GARIN1B: variants seen among roughly 807,000 people sequenced by gnomAD.
The protein encoded by GARIN1B is Golgi-associated RAB2 interactor protein 1B.
chr7:128,718,768 C>T, the GARIN1B span: 716 of 1,569,724 alleles, frequency 4.6e-4, 3 homozygotes, highest in African/African-American at 7.7e-3. Context: ...CTCATTTTAA[C>T]GAAGACAGGG....
the GARIN1B span, chr7:128,726,740 G>A: frequency 2.1e-6 from 3 of 1,454,568 alleles, no homozygotes; most frequent in Non-Finnish European, 2.9e-6. Context: ...TTTGCATCAG[G>A]AACTTTGGAA....
the GARIN1B span, chr7:128,730,974 C>T: frequency 2.2e-6 from 2 of 903,434 alleles, no homozygotes; most frequent in Non-Finnish European, 3.7e-6. Flanking sequence ...ACCACCAACC[C>T]TTATAAGATA....
the GARIN1B span, among the ~76,000 whole-genome samples, chr7:128,719,476 T>A: frequency 6.6e-6 from 1 of 151,858 alleles, no homozygotes; most frequent in African/African-American, 2.4e-5. Flanking sequence ...TTTGCAGTCA[T>A]TCCCTGTTCC....
At chr7:128,727,606 C>T in the GARIN1B span, among the ~76,000 whole-genome samples, 1 of 152,190 alleles carries the variant, frequency 6.6e-6, no homozygotes. Flanking sequence ...TGGCCCTGCA[C>T]AATCTTCCCC....
chr7:128,724,944 T>TGG, the GARIN1B span: 1 of 1,135,820 alleles, frequency 8.8e-7, no homozygotes, highest in Non-Finnish European at 1.1e-6. Context: ...TATCGAAACC[T>TGG]GGGGGCTCAG....
chr7:128,719,527 T>C, the GARIN1B span, among the ~76,000 whole-genome samples: 1 of 151,996 alleles, frequency 6.6e-6, no homozygotes, highest in Non-Finnish European at 1.5e-5. Context: ...TTTTAGTCTA[T>C]ACACATTCAT....
At chr7:128,729,838 GCT>G in the GARIN1B span, 1 of 1,556,444 alleles carries the variant, frequency 6.4e-7, no homozygotes, top group Non-Finnish European at 8.8e-7. Context: ...CCAAATGTCA[GCT>G]GTAACCTGTA....
At chr7:128,709,479 T>C in the GARIN1B span, among the ~76,000 whole-genome samples, 2 of 152,232 alleles carry the variant, frequency 1.3e-5, no homozygotes, top group East Asian at 1.9e-4. Flanking sequence ...ATTTTTGTTA[T>C]ATTTGAATGA....
the GARIN1B span, chr7:128,723,545 T>G: frequency 3.7e-6 from 1 of 266,728 alleles, no homozygotes; most frequent in East Asian, 6.8e-5. Flanking sequence ...TGCCACTCAC[T>G]ATCCAGTCTT....
the GARIN1B span, chr7:128,719,075 G>C: frequency 2.3e-5 from 37 of 1,613,440 alleles, no homozygotes; most frequent in Non-Finnish European, 3.1e-5. Context: ...CCCCTCAGGA[G>C]ATTCGAAGGT....
chr7:128,711,973 G>A, the GARIN1B span, among the ~76,000 whole-genome samples: 1 of 152,122 alleles, frequency 6.6e-6, no homozygotes, highest in African/African-American at 2.4e-5. Flanking sequence ...CCTGGGAGGC[G>A]GAGGTTGCAG....
At chr7:128,715,776 T>G in the GARIN1B span, 1 of 1,195,786 alleles carries the variant, frequency 8.4e-7, no homozygotes, top group Non-Finnish European at 1.2e-6. Flanking sequence ...TCCCTGAAAC[T>G]GGGGCAGAGT....
At chr7:128,715,736 C>G in the GARIN1B span, 1 of 1,507,198 alleles carries the variant, frequency 6.6e-7, no homozygotes, top group Non-Finnish European at 9.2e-7. Context: ...TCTTCGAAAC[C>G]TGTTCCCAAG....
chr7:128,719,819 C>A, the GARIN1B span, among the ~76,000 whole-genome samples: 1 of 150,672 alleles, frequency 6.6e-6, no homozygotes, highest in Non-Finnish European at 1.5e-5. Context: ...CCTGCCTCAG[C>A]CTCCCAAGTA....
At chr7:128,719,025 T>G in the GARIN1B span, 12 of 1,614,096 alleles carry the variant, frequency 7.4e-6, no homozygotes, top group East Asian at 2.7e-4. Flanking sequence ...GACCCTAGGA[T>G]TCTTGTCACG....
the GARIN1B span, among the ~76,000 whole-genome samples, chr7:128,716,322 T>C: frequency 7.0e-3 from 1,070 of 152,184 alleles, 13 homozygotes; most frequent in African/African-American, 0.025. Flanking sequence ...GACCTTCCTG[T>C]TCAGTGAAGG....
chr7:128,730,179 G>A, the GARIN1B span: 24 of 1,292,478 alleles, frequency 1.9e-5, no homozygotes, highest in Admixed American at 8.8e-5. Context: ...GTTGTGGGGT[G>A]TGGTCGAGGA....
chr7:128,711,062 T>G, the GARIN1B span, among the ~76,000 whole-genome samples: 5 of 152,304 alleles, frequency 3.3e-5, no homozygotes, highest in South Asian at 8.3e-4. Flanking sequence ...TTAATTTCCT[T>G]GAGAGTGCAG....
chr7:128,717,087 T>A, the GARIN1B span: 2 of 1,185,778 alleles, frequency 1.7e-6, no homozygotes, highest in Non-Finnish European at 2.4e-6. Flanking sequence ...AAGGAGAAGA[T>A]AGAGATGTCA....
Sources: gnomAD v4.1 joint callset for allele counts (sites outside exome capture counted in the v4.1 genomes callset) on GRCh38, gnomAD v4.1.1 for gene constraint, MANE v1.5 for transcripts, NCBI Gene and HGNC (gene_info 2026-07-23, HGNC 2026-07-21) for gene names.